The following ADGRG6 variants were observed in gnomAD, a reference collection of about 807,000 sequenced individuals.
ADGRG6 encodes the protein G-protein coupled receptor 126.
ADGRG6 carries 84 observed loss-of-function variants against 142.4 expected under a neutral mutation model. The ratio of observed to expected loss-of-function variants is 0.59; its 90% CI spans 0.49 to 0.71. ADGRG6 has a LOEUF of 0.71. ADGRG6 is among the 30% of genes least tolerant of loss of function. ADGRG6 has a pLI of 0.00. For missense variants in ADGRG6, 1,367 were observed against 1,466.6 expected (o/e 0.93, Z 1.11); for synonymous variants, 521 against 520.5 (o/e 1.00, Z -0.01).
At chr6:142,412,368 C>T (rs1776131718) in intron 18 of ADGRG6, among the ~76,000 whole-genome samples, 1 of 152,116 alleles carries the variant, frequency 6.6e-6, no homozygotes, top group Admixed American at 6.6e-5. Flanking sequence ...TCACAGACGT[C>T]AGGTTTTGTT....
intron 2 of ADGRG6, among the ~76,000 whole-genome samples, chr6:142,343,660 C>CA (rs1266220423): frequency 6.6e-6 from 1 of 151,526 alleles, no homozygotes; most frequent in Non-Finnish European, 1.5e-5. Flanking sequence ...ATTACCATTG[C>CA]AAAAAAGAGC....
At chr6:142,317,740 TATA>T (rs1446393505) in intron 2 of ADGRG6, among the ~76,000 whole-genome samples, 1 of 110,920 alleles carries the variant, frequency 9.0e-6, no homozygotes, top group East Asian at 2.2e-4. Flanking sequence ...TATATATTTA[TATA>T]ATATATATTT....
chr6:142,376,325 T>C (rs781223237), intron 4 of ADGRG6, among the ~76,000 whole-genome samples: 46 of 152,222 alleles, frequency 3.0e-4, no homozygotes, highest in Admixed American at 2.1e-3. Flanking sequence ...TGGTACAGTA[T>C]AACGCAATGA....
At chr6:142,404,058 A>G (rs1382778292) in intron 14 of ADGRG6, 85 bp downstream of exon 14, 3 of 1,007,608 alleles carry the variant, frequency 3.0e-6, no homozygotes, top group African/African-American at 3.2e-5. Flanking sequence ...GCTGCTTCCA[A>G]GAGGTCTTGG....
chr6:142,408,290 G>A, intron 16 of ADGRG6, 21 bp downstream of exon 16: 3 of 1,534,424 alleles, frequency 2.0e-6, no homozygotes, highest in East Asian at 2.4e-5. Flanking sequence ...GCTCCCAATA[G>A]CATTTGGACA....
At chr6:142,402,207 T>TA (rs1290706586) in intron 12 of ADGRG6, 149 bp downstream of exon 12, 1 of 542,902 alleles carries the variant, frequency 1.8e-6, no homozygotes, top group African/African-American at 1.9e-5. Context: ...AGACAGAAAA[T>TA]ACTTTTTACT....
intron 2 of ADGRG6, among the ~76,000 whole-genome samples, chr6:142,361,182 A>G (rs1780695855): frequency 6.6e-6 from 1 of 152,194 alleles, no homozygotes; most frequent in Admixed American, 6.5e-5. Flanking sequence ...TATAAAGATG[A>G]CAGCAAGAGG....
intron 2 of ADGRG6, among the ~76,000 whole-genome samples, chr6:142,314,517 A>G (rs1192726702): frequency 6.6e-6 from 1 of 152,202 alleles, no homozygotes; most frequent in Non-Finnish European, 1.5e-5. Context: ...GTCCCTGTCA[A>G]TACTGGGTGA....
chr6:142,437,632 A>G, intron 23 of ADGRG6, 97 bp downstream of exon 23: 1 of 707,832 alleles, frequency 1.4e-6, no homozygotes, highest in Non-Finnish European at 2.6e-6. Context: ...CAGTGGTAGC[A>G]AGCTATTGAA....
chr6:142,344,001 A>C (rs889460693), intron 2 of ADGRG6, among the ~76,000 whole-genome samples: 1 of 151,966 alleles, frequency 6.6e-6, no homozygotes, highest in Non-Finnish European at 1.5e-5. Flanking sequence ...AATGTATGAA[A>C]TATCTTTCTG....
intron 4 of ADGRG6, among the ~76,000 whole-genome samples, chr6:142,377,224 T>G (rs1211144773): frequency 6.6e-6 from 1 of 152,136 alleles, no homozygotes; most frequent in African/African-American, 2.4e-5. Flanking sequence ...AGCAGGACTT[T>G]ATTGGGCAAA....
chr6:142,411,437 T>A (rs1210240614), intron 18 of ADGRG6, 26 bp downstream of exon 18: 6 of 1,125,128 alleles, frequency 5.3e-6, no homozygotes, highest in Non-Finnish European at 8.2e-6. Context: ...CTAAGCTCAT[T>A]TTGACATGCT....
Position 142,338,936 on chromosome 6 carries a change from A to G in ADGRG6, c.104-28633A>G, listed in dbSNP as rs945345396. Among the ~76,000 whole-genome samples the G allele has an allele frequency of 2.0e-5, 3 of 152,138 alleles. No individual in the cohort carries two copies. The South Asian group carries it at 6.2e-4, about 32-fold the overall frequency. On this transcript the variant is annotated intron_variant, in intron 2 of 24. Transcript: ENST00000367609. ...AACTCATTATTCCAAAAAATTATCA[A>G]ATTTCCTTACCTACACAAACACACT...
chr6:142,331,273 C>T (rs1238058874), intron 2 of ADGRG6, among the ~76,000 whole-genome samples: 1 of 151,930 alleles, frequency 6.6e-6, no homozygotes, highest in African/African-American at 2.4e-5. Context: ...TTCACTGCCC[C>T]TCCCCTCTGA....
At chr6:142,375,173 T>G (rs1481303045) in intron 4 of ADGRG6, among the ~76,000 whole-genome samples, 1 of 152,186 alleles carries the variant, frequency 6.6e-6, no homozygotes, top group Non-Finnish European at 1.5e-5. Flanking sequence ...GTTCTCATAA[T>G]TTCTTAAACT....
chr6:142,415,473 G>C (rs992562652), intron 19 of ADGRG6, among the ~76,000 whole-genome samples: 1 of 151,754 alleles, frequency 6.6e-6, no homozygotes, highest in South Asian at 2.1e-4. Context: ...AAATAATTTA[G>C]GGAAATTATT....
intron 2 of ADGRG6, among the ~76,000 whole-genome samples, chr6:142,329,113 C>T (rs1778918932): frequency 6.6e-6 from 1 of 152,082 alleles, no homozygotes; most frequent in Admixed American, 6.6e-5. Flanking sequence ...TTCCTGCCTT[C>T]TGAGGTCTTT....
intron 7 of ADGRG6, among the ~76,000 whole-genome samples, chr6:142,391,680 A>T (rs897454948): frequency 5.3e-5 from 8 of 151,884 alleles, no homozygotes; most frequent in African/African-American, 1.4e-4. Flanking sequence ...CATTGAGATT[A>T]GTAACTCATT....
At chr6:142,324,573 T>G (rs1261716741) in intron 2 of ADGRG6, among the ~76,000 whole-genome samples, 1 of 152,134 alleles carries the variant, frequency 6.6e-6, no homozygotes, top group Non-Finnish European at 1.5e-5. Flanking sequence ...AGGCAGCATT[T>G]AAAATAAGGA....
Sources: gnomAD v4.1 joint callset for allele counts (sites outside exome capture counted in the v4.1 genomes callset) on GRCh38, gnomAD v4.1.1 for gene constraint, MANE v1.5 for transcripts, NCBI Gene and HGNC (gene_info 2026-07-23, HGNC 2026-07-21) for gene names.